The following TEAD1 variants were observed in gnomAD, a reference collection of about 807,000 sequenced individuals.
The protein encoded by TEAD1 is transcriptional enhancer factor TEF-1.
In TEAD1, 9 loss-of-function variants were observed where a neutral mutation model predicts 54.9. The observed-to-expected ratio is 0.16, with a 90% CI of 0.10 to 0.29. TEAD1 has a LOEUF of 0.29. Among genes scored for constraint, TEAD1 ranks in the 10% least tolerant of loss-of-function variants. The pLI is 1.00. For missense variants in TEAD1, 387 were observed against 535.9 expected, an observed-to-expected ratio of 0.72 and a Z score of 2.74; for synonymous variants, 200 against 187.8, an observed-to-expected ratio of 1.07 and a Z score of -0.53.
intron 3 of TEAD1, among the ~76,000 whole-genome samples, chr11:12,847,410 A>G (rs1159073504): frequency 2.1e-5 from 3 of 141,974 alleles, no homozygotes; most frequent in East Asian, 4.5e-4. Flanking sequence ...GACCCAGCCC[A>G]CTGCTGGGGA....
At chr11:12,826,496 A>G (rs1946659291) in intron 3 of TEAD1, among the ~76,000 whole-genome samples, 1 of 152,224 alleles carries the variant, frequency 6.6e-6, no homozygotes. Flanking sequence ...CCAGAAATGA[A>G]CAGCAGAGTG....
At chr11:12,753,648 A>T (rs1944924477) in intron 2 of TEAD1, among the ~76,000 whole-genome samples, 1 of 151,992 alleles carries the variant, frequency 6.6e-6, no homozygotes, top group Non-Finnish European at 1.5e-5. Flanking sequence ...GAAGGATATG[A>T]GTCTCTGTTG....
At chr11:12,756,906 G>C (rs1944993112) in intron 2 of TEAD1, among the ~76,000 whole-genome samples, 1 of 152,216 alleles carries the variant, frequency 6.6e-6, no homozygotes, top group African/African-American at 2.4e-5. Flanking sequence ...GCTGAATTTG[G>C]TTTTGAGGTA....
At position 12,893,747 on chromosome 11, in the gene TEAD1, C is replaced by T. The variant is rs551059894; in HGVS notation, c.700-8193C>T. On this transcript the variant is annotated intron_variant, in intron 9 of 12. Transcript: ENST00000527636. ...TCCCGGAAGGAGGCATTCACTTGCT[C>T]CTTGTTTCCAATGATGTTTCTCTCT... Among the ~76,000 whole-genome samples the T allele has an allele frequency of 1.1e-3, 163 of 152,260 alleles. 2 individuals carry two copies. Among genetic ancestry groups the T allele is most frequent in the African/African-American group, 3.7e-3 (152 of 41,564 alleles).
intron 3 of TEAD1, among the ~76,000 whole-genome samples, chr11:12,786,672 A>T (rs1342774292): frequency 2.0e-5 from 3 of 152,214 alleles, no homozygotes; most frequent in African/African-American, 7.2e-5. Context: ...AGGATATGTC[A>T]GATGCCACTC....
At position 12,764,258 on chromosome 11, in the gene TEAD1, G is replaced by T; in HGVS notation, c.26G>T (p.Ser9Ile). ...ATTGAGCCCAGCAGCTGGAGCGGCA[G>T]TGAGAGCCCTGCCGAAAACATGGAA... Residue 9 changes from serine to isoleucine, a missense_variant, in exon 3 of 13, where the codon AGT (serine) becomes ATT (isoleucine). Ser to Ile is a moderately radical substitution (Grantham distance 142, BLOSUM62 -2). This residue lies in a region of TEAD1 where 55 missense variants were observed against 50.4 expected (regional missense o/e 1.09). Transcript: ENST00000527636. 1 of 1,614,142 alleles carries T rather than the reference G, an allele frequency of 6.2e-7. No individual in the cohort carries two copies. The highest frequency in any genetic ancestry group is 8.5e-7 in the Non-Finnish European group (1 of 1,180,032).
chr11:12,675,100 C>T (rs1223584491), intron 1 of TEAD1, among the ~76,000 whole-genome samples: 2 of 146,720 alleles, frequency 1.4e-5, no homozygotes, highest in South Asian at 4.2e-4. Flanking sequence ...CAGGCGGCCC[C>T]CGGCCGGCCG....
At chr11:12,845,470 A>G (rs1947127598) in intron 3 of TEAD1, among the ~76,000 whole-genome samples, 1 of 152,112 alleles carries the variant, frequency 6.6e-6, no homozygotes, top group Non-Finnish European at 1.5e-5. Flanking sequence ...GAATTCAGTA[A>G]TAACAACAGA....
chr11:12,859,737 A>G (rs1461971871), intron 3 of TEAD1, among the ~76,000 whole-genome samples: 4 of 152,184 alleles, frequency 2.6e-5, no homozygotes, highest in Non-Finnish European at 5.9e-5. Flanking sequence ...GACTGAATCT[A>G]AGGGGATGAA....
At chr11:12,832,765 A>T (rs1044211518) in intron 3 of TEAD1, among the ~76,000 whole-genome samples, 1 of 152,258 alleles carries the variant, frequency 6.6e-6, no homozygotes. Flanking sequence ...TTGACTTTTC[A>T]TTTACACATC....
At chr11:12,840,263 GAAAAAAAAAA>G (rs1947003939) in intron 3 of TEAD1, among the ~76,000 whole-genome samples, 1 of 43,544 alleles carries the variant, frequency 2.3e-5, no homozygotes, top group Non-Finnish European at 4.2e-5. Context: ...AAAAAAAAAA[GAAAAAAAAAA>G]GACCAGAAAC....
At chr11:12,751,513 G>A (rs183843234) in intron 2 of TEAD1, among the ~76,000 whole-genome samples, 60 of 152,250 alleles carry the variant, frequency 3.9e-4, no homozygotes, top group Admixed American at 2.9e-3. Flanking sequence ...GCAGGTATGT[G>A]TACTTATTTG....
chr11:12,690,834 C>T (rs927115293), intron 2 of TEAD1, among the ~76,000 whole-genome samples: 34 of 152,148 alleles, frequency 2.2e-4, no homozygotes, highest in African/African-American at 7.5e-4. Context: ...CCCGGCTTGC[C>T]GTAGCCTTGA....
Position 12,879,767 on chromosome 11 carries a change from C to G in TEAD1, c.390C>G (p.Ile130Met). 1 of 1,614,160 alleles carries G rather than the reference C, an allele frequency of 6.2e-7. No homozygotes were observed. The highest frequency in any genetic ancestry group is 8.5e-7 in the Non-Finnish European group (1 of 1,180,028). ...TGGCGGCCATGTCCTCAGCCCAGAT[C>G]GTCTCGGCCACTGCCATTCATAACA... The change falls in exon 6 of 13, where the codon ATC becomes ATG. Residue 130 changes from isoleucine (I) to methionine (M), a missense_variant. Ile to Met is a conservative substitution (Grantham distance 10). Around this residue, in one of 5 missense-constraint regions of TEAD1, gnomAD observed 180 missense variants for 180.6 expected, o/e 1.00. Coordinates refer to ENST00000527636, the MANE Select transcript of TEAD1 (RefSeq NM_021961.6).
At chr11:12,679,695 A>C (rs1943175792) in intron 2 of TEAD1, among the ~76,000 whole-genome samples, 1 of 152,092 alleles carries the variant, frequency 6.6e-6, no homozygotes, top group African/African-American at 2.4e-5. Context: ...AATTCAGTTC[A>C]GCTCTGCTCT....
chr11:12,831,394 A>T (rs538759222), intron 3 of TEAD1, among the ~76,000 whole-genome samples: 1 of 152,274 alleles, frequency 6.6e-6, no homozygotes, highest in South Asian at 2.1e-4. Flanking sequence ...TTAATTGAGG[A>T]GTACATATTC....
At chr11:12,781,464 G>A (rs1945539902) in intron 3 of TEAD1, among the ~76,000 whole-genome samples, 1 of 151,964 alleles carries the variant, frequency 6.6e-6, no homozygotes, top group Non-Finnish European at 1.5e-5. Context: ...AAGGACTTTT[G>A]CCATTAATAA....
intron 2 of TEAD1, among the ~76,000 whole-genome samples, chr11:12,735,917 GAC>G (rs1469766854): frequency 6.6e-6 from 1 of 152,120 alleles, no homozygotes; most frequent in Non-Finnish European, 1.5e-5. Context: ...TGCCTTTTAT[GAC>G]ACACAACTAA....
intron 9 of TEAD1, among the ~76,000 whole-genome samples, chr11:12,889,069 T>G (rs891585891): frequency 2.0e-5 from 3 of 152,150 alleles, no homozygotes; most frequent in Non-Finnish European, 4.4e-5. Flanking sequence ...TACTGGAAGC[T>G]AAGAGAAAAA....
Sources: allele counts gnomAD v4.1 joint callset (sites outside exome capture counted in the v4.1 genomes callset), GRCh38; gene constraint gnomAD v4.1.1; regional missense constraint gnomAD v4.1.1; transcripts MANE v1.5; gene names NCBI Gene and HGNC (gene_info 2026-07-23, HGNC 2026-07-21).